Variants in MCPH1 observed in about 807,000 individuals in gnomAD.
MCPH1 encodes microcephalin.
A neutral mutation model predicts 84.5 loss-of-function variants in MCPH1; 104 were observed. The ratio of observed to expected loss-of-function variants is 1.23; its 90% CI spans 1.05 to 1.45. The LOEUF is 1.45. Ranked by LOEUF, MCPH1 falls within the 40% of genes most tolerant of loss-of-function variation. MCPH1 has a pLI of 0.00. For missense variants in MCPH1, 1,498 were observed against 1,005.7 expected, an observed-to-expected ratio of 1.49 and a Z score of -6.62; for synonymous variants, 514 against 366.8, an observed-to-expected ratio of 1.40 and a Z score of -4.58.
chr8:6,493,052 G>A (rs1283032584), intron 11 of MCPH1, among the ~76,000 whole-genome samples: 1 of 152,198 alleles, frequency 6.6e-6, no homozygotes, highest in African/African-American at 2.4e-5. Flanking sequence ...TTTTCATACA[G>A]TGAAGTGATG....
chr8:6,537,475 CCAGA>C (rs1030918477), intron 12 of MCPH1, among the ~76,000 whole-genome samples: 1 of 151,652 alleles, frequency 6.6e-6, no homozygotes, highest in African/African-American at 2.4e-5. Context: ...GAGTTGCGCC[CCAGA>C]CATAGTCTTT....
chr8:6,537,545 C>CATATATAT (rs35477464), intron 12 of MCPH1, among the ~76,000 whole-genome samples: 1 of 148,972 alleles, frequency 6.7e-6, no homozygotes. Context: ...TTTAATGCAA[C>CATATATAT]ATATATATAT....
intron 13 of MCPH1, chr8:6,626,461 G>GTTT (rs1341634158): frequency 3.2e-6 from 3 of 942,490 alleles, no homozygotes; most frequent in Admixed American, 7.7e-5. Context: ...TTGTTGTTTG[G>GTTT]TTTTTTTGTT....
chr8:6,436,232 T>G, intron 5 of MCPH1, 70 bp downstream of exon 5: 1 of 1,498,106 alleles, frequency 6.7e-7, no homozygotes, highest in Non-Finnish European at 9.2e-7. Flanking sequence ...GCATGATGAC[T>G]AGTGGGGTTC....
chr8:6,492,029 C>G (rs1810656302), intron 11 of MCPH1, among the ~76,000 whole-genome samples: 2 of 152,194 alleles, frequency 1.3e-5, no homozygotes, highest in African/African-American at 4.8e-5. Context: ...ATTTCTAGTT[C>G]TAGATCCCTG....
rs187466318 is a variant in MCPH1 at position 6,431,550 on chromosome 8, T to C, written c.285T>C (p.Asn95=). ...HIDESLFPAA[N]MNEHLSSLIK... is the part of the protein sequence containing the mutation. ...ATGAATCATTGTTCCCTGCAGCTAA[T>C]ATGAATGAACACTTATCAAGCCTAA... The change falls in exon 4 of 14, where the codon AAT becomes AAC. Residue 95 remains asparagine (N), a synonymous_variant. Coordinates refer to ENST00000344683, the MANE Select transcript of MCPH1 (RefSeq NM_024596.5). 6.8e-6 allele frequency: 11 copies of C among 1,613,514 alleles called. No homozygotes were observed. The East Asian group carries it at 2.5e-4, about 36-fold the overall frequency.
intron 12 of MCPH1, among the ~76,000 whole-genome samples, chr8:6,569,950 G>A (rs894418555): frequency 6.6e-6 from 1 of 152,152 alleles, no homozygotes; most frequent in Non-Finnish European, 1.5e-5. Context: ...CATCTGAGCC[G>A]GGACCATCCT....
chr8:6,558,281 A>G (rs1824975663), intron 12 of MCPH1, among the ~76,000 whole-genome samples: 1 of 152,236 alleles, frequency 6.6e-6, no homozygotes, highest in East Asian at 1.9e-4. Context: ...GACTGGGGAA[A>G]GAGAATCTAC....
intron 12 of MCPH1, among the ~76,000 whole-genome samples, chr8:6,576,643 G>T (rs534403960): frequency 7.0e-6 from 1 of 142,472 alleles, no homozygotes; most frequent in Admixed American, 7.3e-5. Flanking sequence ...GAGTAGCTGG[G>T]ATTACAGGTG....
At position 6,474,086 on chromosome 8, in the gene MCPH1, A is replaced by G. The variant is rs1808121070; in HGVS notation, c.1936-3508A>G. The G allele has an allele frequency of 6.4e-6, 5 of 778,698 alleles. No individual in the cohort carries two copies. The Admixed American group carries it at 6.9e-5, about 11-fold the overall frequency. 48.2% of individuals were successfully genotyped at this position (778,698 alleles called of 1,614,324 possible). On this transcript the variant is annotated intron_variant, in intron 9 of 13. Coordinates refer to ENST00000344683, the MANE Select transcript of MCPH1 (RefSeq NM_024596.5). ...GTTGGCATCTATTCTCAACACAAAA[A>G]CTATGTGAAACCAGCGTTCAGGGAA...
intron 12 of MCPH1, chr8:6,503,334 A>C: frequency 1.6e-5 from 24 of 1,533,774 alleles, no homozygotes; most frequent in Non-Finnish European, 1.8e-5. Flanking sequence ...AGCAATACTC[A>C]GCTAAGGCAG....
In MCPH1 at chr8:6,607,088, A is replaced by C. The variant is rs559780019; in HGVS notation, c.2215-14366A>C. ...AGGACACACTGTCCCCATTTATAGC[A>C]CCTTGGCATTTCAGAAAATCGCAAA... is the stretch of plus-strand genomic sequence containing the variant. On this transcript the variant is annotated intron_variant, in intron 12 of 13. Transcript: ENST00000344683. Among the ~76,000 whole-genome samples the C allele has an allele frequency of 1.1e-4, 16 of 152,300 alleles. No individual in the cohort carries two copies. The South Asian group carries it at 3.3e-3, about 32-fold the overall frequency.
chr8:6,584,826 A>T (rs1387934728), intron 12 of MCPH1, among the ~76,000 whole-genome samples: 1 of 152,222 alleles, frequency 6.6e-6, no homozygotes, highest in Non-Finnish European at 1.5e-5. Context: ...TTTGCCAAAC[A>T]GGTTTGGTCA....
intron 12 of MCPH1, among the ~76,000 whole-genome samples, chr8:6,586,898 A>G (rs1828028415): frequency 6.6e-6 from 1 of 152,186 alleles, no homozygotes; most frequent in Admixed American, 6.5e-5. Flanking sequence ...CCTGACTTAG[A>G]ATTCCCTGTG....
chr8:6,544,835 A>C (rs1822262752), intron 12 of MCPH1, among the ~76,000 whole-genome samples: 1 of 152,096 alleles, frequency 6.6e-6, no homozygotes, highest in Non-Finnish European at 1.5e-5. Flanking sequence ...CATCAGGAAG[A>C]CTCGAAATAT....
chr8:6,449,366 G>T (rs1443800732), intron 8 of MCPH1, among the ~76,000 whole-genome samples: 3 of 152,172 alleles, frequency 2.0e-5, no homozygotes, highest in Admixed American at 6.5e-5. Context: ...AGGTGTGATG[G>T]CTCACGCCTG....
intron 11 of MCPH1, among the ~76,000 whole-genome samples, 169 bp downstream of exon 11, chr8:6,481,045 G>A (rs1329706709): frequency 1.3e-5 from 2 of 152,230 alleles, no homozygotes; most frequent in African/African-American, 4.8e-5. Context: ...CCCGTGGGCT[G>A]CTACCCTTCA....
intron 2 of MCPH1, among the ~76,000 whole-genome samples, 192 bp downstream of exon 2, chr8:6,409,562 A>G (rs1364403503): frequency 5.3e-5 from 8 of 152,140 alleles, no homozygotes; most frequent in East Asian, 1.9e-4. Flanking sequence ...GCCTGTGGGC[A>G]TTGAGTGAGG....
intron 13 of MCPH1, among the ~76,000 whole-genome samples, chr8:6,639,395 C>G (rs968492007): frequency 4.6e-5 from 7 of 152,136 alleles, no homozygotes; most frequent in African/African-American, 1.7e-4. Context: ...GGTCCAGTGA[C>G]TCACATGTAT....
Sources: allele counts gnomAD v4.1 joint callset (sites outside exome capture counted in the v4.1 genomes callset), GRCh38; gene constraint gnomAD v4.1.1; transcripts MANE v1.5; gene names NCBI Gene and HGNC (gene_info 2026-07-23, HGNC 2026-07-21).